PSPH: variants seen among roughly 807,000 people sequenced by gnomAD.
PSPH encodes the protein phosphoserine phosphatase.
Under a neutral mutation model 23.4 loss-of-function variants are expected in PSPH, and 16 were observed. The observed-to-expected ratio is 0.68, with a 90% confidence interval of 0.46 to 1.04. The LOEUF (loss-of-function observed/expected upper bound fraction) is 1.04, where lower values mean the gene tolerates loss of function less well. Among genes scored for constraint, PSPH ranks in the 50% least tolerant of loss-of-function variants. PSPH has a pLI of 0.00. For synonymous variants in PSPH, 68 were observed against 99.7 expected (o/e 0.68, Z 1.89); for missense variants, 223 against 273.7 (o/e 0.81, Z 1.31).
intron 1 of PSPH, among the ~76,000 whole-genome samples, chr7:56,039,569 A>T (rs1479677905): frequency 6.6e-6 from 1 of 151,876 alleles, no homozygotes; most frequent in African/African-American, 2.4e-5. Flanking sequence ...CGATGTCAGG[A>T]GATCGAGACC....
At chr7:56,041,659 C>T (rs1342844637) in intron 1 of PSPH, among the ~76,000 whole-genome samples, 2 of 151,972 alleles carry the variant, frequency 1.3e-5, no homozygotes, top group African/African-American at 4.8e-5. Flanking sequence ...CACGGTGGCT[C>T]ACACTTGTAA....
chr7:56,050,005 G>A (rs1267524875), intron 1 of PSPH, among the ~76,000 whole-genome samples: 1 of 152,078 alleles, frequency 6.6e-6, no homozygotes, highest in African/African-American at 2.4e-5. Flanking sequence ...CAAAGTACTG[G>A]GATTACAAGC....
chr7:56,026,639 A>T (rs1242963413), intron 3 of PSPH, among the ~76,000 whole-genome samples: 6 of 145,368 alleles, frequency 4.1e-5, no homozygotes, highest in African/African-American at 1.0e-4. Flanking sequence ...TGTCTCTATT[A>T]AAAAAAAAAA....
chr7:56,016,962 T>C (rs866751604), intron 6 of PSPH, among the ~76,000 whole-genome samples: 1 of 152,088 alleles, frequency 6.6e-6, no homozygotes, highest in African/African-American at 2.4e-5. Flanking sequence ...AAGTAAGTCA[T>C]AGGGGGCTTC....
chr7:56,017,462 A>G, intron 5 of PSPH, 83 bp from the exon 6 acceptor site: 1 of 1,556,356 alleles, frequency 6.4e-7, no homozygotes, highest in Non-Finnish European at 8.7e-7. Context: ...GAGGGAAATA[A>G]GATACATTTT....
intron 1 of PSPH, among the ~76,000 whole-genome samples, chr7:56,039,170 G>T (rs1792146755): frequency 1.4e-5 from 2 of 145,028 alleles, no homozygotes; most frequent in South Asian, 2.2e-4. Flanking sequence ...AAAAAAAAAT[G>T]ACACATATAT....
Position 56,019,448 on chromosome 7 carries a change from C to T in PSPH, c.275+152G>A, listed in dbSNP as rs945118889. 41 of 992,494 alleles carry T rather than the reference C, an allele frequency of 4.1e-5. No homozygotes were observed. In the African/African-American group the frequency reaches 9.0e-4, roughly 22 times the overall value. 61.5% of individuals were successfully genotyped at this position (992,494 alleles called of 1,614,324 possible). ...AGTGAGACTTCATCTCGAAAAAATA[C>T]AATTTAAAAAAATAATTAAAAAATT... On this transcript the variant is annotated intron_variant, in intron 5 of 7. Transcript: ENST00000275605.
At chr7:56,044,937 T>C (rs1422796637) in intron 1 of PSPH, among the ~76,000 whole-genome samples, 4 of 151,776 alleles carry the variant, frequency 2.6e-5, no homozygotes, top group Admixed American at 6.6e-5. Flanking sequence ...CTGGGCATGC[T>C]GGTGCATGCC....
chr7:56,039,798 A>T (rs1345220807), intron 1 of PSPH, among the ~76,000 whole-genome samples: 2 of 148,354 alleles, frequency 1.3e-5, no homozygotes, highest in African/African-American at 5.0e-5. Context: ...AAAAAATTAA[A>T]AAAAAAAAAA....
intron 3 of PSPH, among the ~76,000 whole-genome samples, chr7:56,025,415 T>A (rs1790053000): frequency 6.6e-6 from 1 of 151,522 alleles, no homozygotes; most frequent in South Asian, 2.1e-4. Context: ...AGGCATGATA[T>A]CTGGCTAATT....
At chr7:56,030,785 G>C (rs1790871787) in intron 3 of PSPH, among the ~76,000 whole-genome samples, 1 of 152,132 alleles carries the variant, frequency 6.6e-6, no homozygotes, top group Non-Finnish European at 1.5e-5. Flanking sequence ...TGTAATCCCA[G>C]CTACTCAGGA....
chr7:56,020,262 T>A (rs1328485799), intron 4 of PSPH, among the ~76,000 whole-genome samples: 1 of 151,906 alleles, frequency 6.6e-6, no homozygotes, highest in African/African-American at 2.4e-5. Flanking sequence ...GTATTTTTCT[T>A]GCAAGCTGTG....
In PSPH at chr7:56,017,879, C is replaced by A. The variant is rs536292503; in HGVS notation, c.276-500G>T. Among the ~76,000 whole-genome samples, 11 of 152,098 alleles carry A rather than the reference C, an allele frequency of 7.2e-5. No homozygotes were observed. In the South Asian group the frequency reaches 2.3e-3, roughly 32 times the overall value. Reference sequence around the variant, plus strand: ...CTGGGACAACAGATGCGCACCACCACGCCCAGCTAACTTTTGTATTTTTAG... The same window carrying A: ...CTGGGACAACAGATGCGCACCACCAAGCCCAGCTAACTTTTGTATTTTTAG... On this transcript the variant is annotated intron_variant, in intron 5 of 7. Transcript: ENST00000275605.
At chr7:56,039,186 T>G (rs2117056399) in intron 1 of PSPH, among the ~76,000 whole-genome samples, 1 of 150,380 alleles carries the variant, frequency 6.6e-6, no homozygotes, top group Non-Finnish European at 1.5e-5. Context: ...TATATAAGAA[T>G]TCTCACAGCA....
chr7:56,016,008 A>G (rs1788504916), intron 6 of PSPH, among the ~76,000 whole-genome samples: 1 of 152,116 alleles, frequency 6.6e-6, no homozygotes, highest in Admixed American at 6.6e-5. Flanking sequence ...CCAAGAGGAA[A>G]TTCCAGCTTA....
chr7:56,041,944 C>T (rs1302462072), intron 1 of PSPH, among the ~76,000 whole-genome samples: 3 of 151,526 alleles, frequency 2.0e-5, no homozygotes, highest in East Asian at 1.9e-4. Flanking sequence ...AGATCTGGAC[C>T]GGGCGCAGTG....
At chr7:56,026,105 C>T (rs1191895672) in intron 3 of PSPH, among the ~76,000 whole-genome samples, 3 of 152,088 alleles carry the variant, frequency 2.0e-5, no homozygotes, top group African/African-American at 7.2e-5. Flanking sequence ...ACCCAGCACC[C>T]AATAGGTGTT....
At chr7:56,014,811 C>T (rs935480995) in intron 7 of PSPH, among the ~76,000 whole-genome samples, 11 of 152,164 alleles carry the variant, frequency 7.2e-5, no homozygotes, top group African/African-American at 2.4e-4. Flanking sequence ...GGCATGGTGG[C>T]GTGTGCCTGT....
At chr7:56,045,072 C>CAAAAA (rs35552809) in intron 1 of PSPH, among the ~76,000 whole-genome samples, 5 of 117,318 alleles carry the variant, frequency 4.3e-5, no homozygotes, top group Non-Finnish European at 6.9e-5. Flanking sequence ...AACTCTGCCT[C>CAAAAA]AAAAAAAAAA....
Sources: allele counts gnomAD v4.1 joint callset (sites outside exome capture counted in the v4.1 genomes callset), GRCh38; gene constraint gnomAD v4.1.1; transcripts MANE v1.5; gene names NCBI Gene and HGNC (gene_info 2026-07-23, HGNC 2026-07-21).